Variants in FAM149A observed in about 807,000 individuals in gnomAD.
FAM149A encodes protein FAM149A.
FAM149A carries 71 observed loss-of-function variants against 78.2 expected under a neutral mutation model. That is an observed-to-expected ratio of 0.91 (90% CI 0.75 to 1.11). FAM149A has a LOEUF of 1.11. Ranked by LOEUF, FAM149A falls within the 50% of genes least tolerant of loss-of-function variation. The pLI is 0.00. For missense variants in FAM149A, 1,036 were observed against 971.0 expected (o/e 1.07, Z -0.89); for synonymous variants, 446 against 410.5 (o/e 1.09, Z -1.04).
chr4:186,124,420 C>A (rs532687361), intron 1 of FAM149A, among the ~76,000 whole-genome samples: 12 of 151,660 alleles, frequency 7.9e-5, no homozygotes, highest in African/African-American at 1.2e-4. Context: ...CGCTCCCCCC[C>A]ACCCCACAAC....
At chr4:186,160,701 A>G in intron 8 of FAM149A, 1 of 693,966 alleles carries the variant, frequency 1.4e-6, no homozygotes, top group Non-Finnish European at 1.8e-6. Context: ...TACCACACAC[A>G]CTACCACACA....
At chr4:186,107,569 G>A (rs1176591112) in intron 1 of FAM149A, 1 of 152,236 alleles carries the variant, frequency 6.6e-6, no homozygotes, top group Non-Finnish European at 1.5e-5. Context: ...GACTACAGGT[G>A]TGAGCTACTA....
chr4:186,107,040 T>C (rs1013305729), intron 1 of FAM149A, among the ~76,000 whole-genome samples: 29 of 152,250 alleles, frequency 1.9e-4, no homozygotes, highest in Admixed American at 1.2e-3. Context: ...CATATGTTTA[T>C]CAACTGATAG....
chr4:186,111,548 A>T (rs1342791287), intron 1 of FAM149A, among the ~76,000 whole-genome samples: 2 of 151,986 alleles, frequency 1.3e-5, no homozygotes, highest in Non-Finnish European at 2.9e-5. Flanking sequence ...TTAAGTCTTT[A>T]ATCCATCTTG....
intron 3 of FAM149A, among the ~76,000 whole-genome samples, chr4:186,150,096 C>A (rs1255434467): frequency 6.6e-6 from 1 of 151,074 alleles, no homozygotes; most frequent in East Asian, 2.0e-4. Context: ...CGCCAGTATT[C>A]CCAGTCGGAT....
Position 186,149,664 on chromosome 4 carries a change from C to G in FAM149A, c.749C>G (p.Ser250Ter), listed in dbSNP as rs1733314794. The G allele has an allele frequency of 7.8e-7, 1 of 1,289,762 alleles. No homozygotes were observed. Among genetic ancestry groups the G allele is most frequent in the East Asian group, 5.6e-5 (1 of 17,998 alleles). The allele number at this position is 1,289,762 out of a possible 1,614,324, so 79.9% of individuals were successfully genotyped here. ...GCCACACAGAGCTCTACCACCGGCT[C>G]ATCCACGGAGAGGGGCTCCGTTTAT... Residue 250 changes from serine to a stop codon, truncating the protein, a stop_gained, in exon 3 of 14, where the codon TCA becomes TGA. Transcript: ENST00000389354. LOFTEE classifies it high-confidence loss of function.
rs1228812236 is a variant in FAM149A, at chr4:186,164,367, C to T, written c.1889+734C>T. 2 of 618,832 alleles carry T rather than the reference C, an allele frequency of 3.2e-6. No homozygotes were observed. Among genetic ancestry groups the T allele is most frequent in the African/African-American group, 4.0e-5 (2 of 49,824 alleles). 38.3% of individuals were successfully genotyped at this position (618,832 alleles called of 1,614,324 possible). On this transcript the variant is annotated intron_variant, in intron 10 of 13. Transcript: ENST00000389354. The surrounding 1 kb of genome is among the most constrained non-coding windows in gnomAD (Gnocchi z 4.0). ...CAGGAAGAGGCCCAGCCGGACACAC[C>T]CACAAGTGCTCTCAGGCTTTAGAGA... is the stretch of plus-strand genomic sequence containing the variant.
At chr4:186,136,988 C>CTCTCTCTCTCTCTCTCTCTCTCTT (rs2099323428) in intron 1 of FAM149A, among the ~76,000 whole-genome samples, 1 of 121,600 alleles carries the variant, frequency 8.2e-6, no homozygotes, top group African/African-American at 3.1e-5. Context: ...CTCTCTCTCT[C>CTCTCTCTCTCTCTCTCTCTCTCTT]TCTCTCTCTC....
At position 186,105,475 on chromosome 4, in the gene FAM149A, C is replaced by T. The variant is rs1225397014; in HGVS notation, c.399C>T (p.Pro133=). ...TCCCAGCGCGGCCGCCCTCGGGCCC[C>T]GGCGGGGTCTGGGCCGCGCTCCCCA... Residue 133 remains proline (P), a synonymous_variant, in exon 1 of 14, where the codon CCC becomes CCT. Transcript: ENST00000389354. 6 of 1,213,176 alleles carry T rather than the reference C, an allele frequency of 4.9e-6. No homozygotes were observed. Among genetic ancestry groups the T allele is most frequent in the Non-Finnish European group, 5.2e-6 (5 of 957,636 alleles). 75.2% of individuals were successfully genotyped at this position (1,213,176 alleles called of 1,614,324 possible). A position where few individuals can be genotyped will look rare whatever the true frequency, so the allele number is the denominator to read the frequency against.
intron 1 of FAM149A, among the ~76,000 whole-genome samples, chr4:186,120,989 A>G (rs1243992756): frequency 6.7e-6 from 1 of 149,294 alleles, no homozygotes; most frequent in Non-Finnish European, 1.5e-5. Context: ...TAATATTCCT[A>G]TTAGTACTGA....
rs1437331580 is a variant in FAM149A, at chr4:186,173,744, C to T, written c.*1757C>T. On this transcript the variant is annotated 3_prime_UTR_variant, in exon 14 of 14. Coordinates refer to ENST00000389354, the MANE Select transcript of FAM149A (RefSeq NM_001367768.3). ...GACCACCAGGTCCATGCCTCTTTTC[C>T]GTGGTCACAGCTCCATGTGTCCGGG... Among the ~76,000 whole-genome samples, 2 of 112,750 alleles carry T rather than the reference C, an allele frequency of 1.8e-5. No individual in the cohort carries two copies. The highest frequency in any genetic ancestry group is 2.8e-5 in the African/African-American group (1 of 36,022). The allele number at this position is 112,750 out of a possible 152,430, so 74.0% of individuals were successfully genotyped here. A position where few individuals can be genotyped will look rare whatever the true frequency, so the allele number is the denominator to read the frequency against.
intron 8 of FAM149A, among the ~76,000 whole-genome samples, chr4:186,161,324 C>T (rs549858765): frequency 7.9e-5 from 12 of 152,222 alleles, no homozygotes; most frequent in African/African-American, 9.6e-5. Context: ...CTTCTAAACC[C>T]GCGATCTTTG....
intron 8 of FAM149A, among the ~76,000 whole-genome samples, chr4:186,160,186 C>A (rs1195449421): frequency 7.1e-6 from 1 of 141,416 alleles, no homozygotes; most frequent in African/African-American, 2.7e-5. Context: ...CAAACACATA[C>A]CACATACACA....
At position 186,165,437 on chromosome 4, in the gene FAM149A, A is replaced by C; in HGVS notation, c.1983A>C (p.Thr661=). The change falls in exon 11 of 14, where the codon ACA becomes ACC. Residue 661 remains threonine (T), a synonymous_variant. Coordinates refer to ENST00000389354, the MANE Select transcript of FAM149A (RefSeq NM_001367768.3). ...TCACGGAGACCAGGGGGCAGAATAC[A>C]GCAGTTCCTGGATGCCGCCTTGTTT... 1 of 1,614,212 alleles carries C rather than the reference A, an allele frequency of 6.2e-7. No individual in the cohort carries two copies. The highest frequency in any genetic ancestry group is 1.6e-4 in the Middle Eastern group (1 of 6,062).
Position 186,154,590 on chromosome 4 carries a change from A to G in FAM149A, c.1181A>G (p.His394Arg), listed in dbSNP as rs781089070. Reference sequence around the variant, plus strand: ...TCATCCCTGGAAGAAGAGGTTTACCATGTGGATGGAAAGATTGAGGAGTAT... The same window carrying G: ...TCATCCCTGGAAGAAGAGGTTTACCGTGTGGATGGAAAGATTGAGGAGTAT... Residue 394 changes from histidine to arginine, a missense_variant, in exon 6 of 14, where the codon CAT becomes CGT. His to Arg is a conservative substitution (Grantham distance 29, BLOSUM62 0). Around this residue, in one of 3 missense-constraint regions of FAM149A, gnomAD observed 716 missense variants for 711.8 expected, o/e 1.01. Coordinates refer to ENST00000389354, the MANE Select transcript of FAM149A (RefSeq NM_001367768.3). The G allele has an allele frequency of 6.2e-7, 1 of 1,614,160 alleles. No individual in the cohort carries two copies. Among genetic ancestry groups the G allele is most frequent in the East Asian group, 2.2e-5 (1 of 44,878 alleles).
At chr4:186,135,542 C>T (rs2099322338) in intron 1 of FAM149A, among the ~76,000 whole-genome samples, 1 of 152,140 alleles carries the variant, frequency 6.6e-6, no homozygotes, top group South Asian at 2.1e-4. Flanking sequence ...TGATCGATAC[C>T]TGAGCTTGTC....
At position 186,174,237 on chromosome 4, in the gene FAM149A, C is replaced by T. The variant is rs1345426543; in HGVS notation, c.*2250C>T. 9.0e-6 allele frequency among the ~76,000 whole-genome samples: 1 copy of T among 110,498 alleles called. No individual in the cohort carries two copies. The allele number at this position is 110,498 out of a possible 152,430, so 72.5% of individuals were successfully genotyped here. A position where few individuals can be genotyped will look rare whatever the true frequency, so the allele number is the denominator to read the frequency against. ...TTCCTGATCCTCTCCCTCCTTCCACCCTCCACCCTTTGATAGGCCCTAGTG... is the reference window on the plus strand; with the variant it reads ...TTCCTGATCCTCTCCCTCCTTCCACTCTCCACCCTTTGATAGGCCCTAGTG... On this transcript the variant is annotated 3_prime_UTR_variant, in exon 14 of 14. Coordinates refer to ENST00000389354, the MANE Select transcript of FAM149A (RefSeq NM_001367768.3).
rs770356114 is a variant in FAM149A, at chr4:186,165,474, A to G, written c.2010+10A>G. ...ATGCCGCCTTGTTTCTGTAAGACAG[A>G]TTTCATTCTATTTCAGTGGACCATT... On this transcript the variant is annotated intron_variant, in intron 11 of 13. Transcript: ENST00000389354. 3.2e-5 allele frequency: 51 copies of G among 1,613,674 alleles called. No homozygotes were observed. Among genetic ancestry groups the G allele is most frequent in the Non-Finnish European group, 3.9e-5 (46 of 1,179,782 alleles).
At position 186,143,792 on chromosome 4, in the gene FAM149A, A is replaced by G. The variant is rs1579857110; in HGVS notation, c.567-5381A>G. 2.0e-5 allele frequency among the ~76,000 whole-genome samples: 3 copies of G among 152,086 alleles called. No individual in the cohort carries two copies. In the East Asian group the frequency reaches 5.8e-4, roughly 29 times the overall value. On this transcript the variant is annotated intron_variant, in intron 1 of 13. Transcript: ENST00000389354. ...GTGATCCGCCCACCTCAGCCTTCCA[A>G]AGTGCTGGGATTACAGGCGTGAGCC...
Sources: allele counts gnomAD v4.1 joint callset (sites outside exome capture counted in the v4.1 genomes callset), GRCh38; gene constraint gnomAD v4.1.1; regional missense constraint gnomAD v4.1.1; non-coding constraint Gnocchi (gnomAD v3.1); transcripts MANE v1.5; gene names NCBI Gene and HGNC (gene_info 2026-07-23, HGNC 2026-07-21).